Variants in CEP57 observed in about 807,000 individuals in gnomAD.
The protein encoded by CEP57 is centrosomal protein 57.
A neutral mutation model predicts 68.0 loss-of-function variants in CEP57; 40 were observed. The ratio of observed to expected loss-of-function variants is 0.59; its 90% CI spans 0.46 to 0.77. The LOEUF (loss-of-function observed/expected upper bound fraction) is 0.77, where lower values mean the gene tolerates loss of function less well. CEP57 is among the 30% of genes least tolerant of loss of function. The pLI is 0.00. For synonymous variants in CEP57, 219 were observed against 198.7 expected (o/e 1.10, Z -0.86); for missense variants, 606 against 580.7 (o/e 1.04, Z -0.45).
At chr11:95,795,808 T>A (rs1411502364) in intron 1 of CEP57, among the ~76,000 whole-genome samples, 1 of 152,200 alleles carries the variant, frequency 6.6e-6, no homozygotes, top group African/African-American at 2.4e-5. Context: ...TCCTCCACCA[T>A]TGGACCTTGA....
rs1395763725 is a variant in CEP57 at position 95,831,110 on chromosome 11, C to T, written c.1357C>T (p.Arg453Cys). 9 of 1,613,158 alleles carry T rather than the reference C, an allele frequency of 5.6e-6. No homozygotes were observed. The highest frequency in any genetic ancestry group is 1.7e-5 in the Admixed American group (1 of 59,980). Residue 453 changes from arginine (R) to cysteine (C), a missense_variant, in exon 11 of 11, where the codon CGT (arginine) becomes TGT (cysteine). Coordinates refer to ENST00000325542, the MANE Select transcript of CEP57 (RefSeq NM_014679.5). The stretch of plus-strand genomic sequence containing the variant: ...TGATGAAGAAAGAAACAGCAGCAGC[C>T]GTTCTGGAATCACAGGGACCACAAA... The part of the protein sequence containing the change: ...TLDEERNSSS[R>C]SGITGTTNKK...
chr11:95,813,143 A>G (rs1862142703), intron 3 of CEP57, 32 bp downstream of exon 3: 2 of 1,594,550 alleles, frequency 1.3e-6, no homozygotes, highest in African/African-American at 1.3e-5. Context: ...AAATTCTATC[A>G]AAATAAGTGT....
At chr11:95,811,790 C>A (rs924752876) in intron 2 of CEP57, among the ~76,000 whole-genome samples, 1 of 152,078 alleles carries the variant, frequency 6.6e-6, no homozygotes, top group East Asian at 1.9e-4. Flanking sequence ...TGGAAAATAA[C>A]TAGGAGTAGC....
chr11:95,794,970 G>A (rs954593347), intron 1 of CEP57, among the ~76,000 whole-genome samples: 8 of 152,142 alleles, frequency 5.3e-5, no homozygotes, highest in African/African-American at 1.4e-4. Context: ...ATTTCCATAT[G>A]TGTATGGGTG....
chr11:95,792,128 A>G (rs1028787342), intron 1 of CEP57, among the ~76,000 whole-genome samples: 5 of 152,174 alleles, frequency 3.3e-5, no homozygotes, highest in East Asian at 1.9e-4. Context: ...GTTTGCAGAG[A>G]GGTCTGGGGA....
chr11:95,794,474 A>T (rs574228571), intron 1 of CEP57: 53 of 369,050 alleles, frequency 1.4e-4, no homozygotes, highest in African/African-American at 1.1e-3. Context: ...CCACTTGTAA[A>T]TTTTTGCTGT....
intron 6 of CEP57, 136 bp from the exon 7 acceptor site, chr11:95,821,735 A>G: frequency 1.5e-6 from 1 of 659,378 alleles, no homozygotes; most frequent in East Asian, 2.8e-5. Flanking sequence ...GGTTCAAGAC[A>G]TAGTTATACA....
rs1307504036 is a variant in CEP57 at position 95,831,520 on chromosome 11, A to G, written c.*264A>G. On this transcript the variant is annotated 3_prime_UTR_variant, in exon 11 of 11. Transcript: ENST00000325542. ...GATGAGTTTGCTGTACTGACGCTGCACTTTGTAAACAGATTACCAGTTTTT... is the reference window on the plus strand; with the variant it reads ...GATGAGTTTGCTGTACTGACGCTGCGCTTTGTAAACAGATTACCAGTTTTT... 2 of 254,396 alleles carry G rather than the reference A, an allele frequency of 7.9e-6. No individual in the cohort carries two copies. The allele number at this position is 254,396 out of a possible 1,614,324, so 15.8% of individuals were successfully genotyped here.
chr11:95,793,104 T>A (rs1202489618), intron 1 of CEP57, among the ~76,000 whole-genome samples: 1 of 152,212 alleles, frequency 6.6e-6, no homozygotes, highest in Non-Finnish European at 1.5e-5. Context: ...ACAAGTAGAT[T>A]CATAAATAAC....
chr11:95,817,946 G>GT lies in CEP57; in HGVS notation c.621+52dup, dbSNP rs528485045. ...TTTATTGTTAACATATATCAGGGTG[G>GT]TTTTTTTTTAATGTTAATTATTTTA... On this transcript the variant is annotated intron_variant, in intron 5 of 10. Coordinates refer to ENST00000325542, the MANE Select transcript of CEP57 (RefSeq NM_014679.5). The GT allele has an allele frequency of 2.7e-3, 3,055 of 1,145,936 alleles. 2 individuals are homozygous for GT. The highest frequency in any genetic ancestry group is 5.4e-3 in the African/African-American group (350 of 64,860). 71.0% of individuals were successfully genotyped at this position (1,145,936 alleles called of 1,614,324 possible). A position where few individuals can be genotyped will look rare whatever the true frequency, so the allele number is the denominator to read the frequency against.
chr11:95,800,008 G>T lies in CEP57; in HGVS notation c.202+620G>T, dbSNP rs575645158. The stretch of plus-strand genomic sequence containing the variant: ...GCTACTTTGAAATACATTTATTCCT[G>T]GAACCTGCCATCTGTATTAGTTTTC... On this transcript the variant is annotated intron_variant, in intron 2 of 10. Coordinates refer to ENST00000325542, the MANE Select transcript of CEP57 (RefSeq NM_014679.5). 2.6e-5 allele frequency among the ~76,000 whole-genome samples: 4 copies of T among 152,120 alleles called. No homozygotes were observed. The East Asian group carries it at 7.7e-4, about 29-fold the overall frequency.
intron 2 of CEP57, among the ~76,000 whole-genome samples, chr11:95,807,703 G>C (rs150167673): frequency 1.7e-3 from 253 of 152,314 alleles, no homozygotes; most frequent in African/African-American, 4.3e-3. Flanking sequence ...AAGCCTCCAA[G>C]AAATATGGGA....
chr11:95,804,339 G>T (rs974606557), intron 2 of CEP57, among the ~76,000 whole-genome samples: 3 of 152,152 alleles, frequency 2.0e-5, no homozygotes, highest in South Asian at 2.1e-4. Context: ...GAAATAAAAT[G>T]AGTTTCAAGC....
intron 2 of CEP57, among the ~76,000 whole-genome samples, chr11:95,809,269 AC>A (rs1489581173): frequency 1.3e-5 from 2 of 152,204 alleles, no homozygotes; most frequent in Non-Finnish European, 2.9e-5. Context: ...TAAAATTGAC[AC>A]CCTAACATCA....
intron 1 of CEP57, chr11:95,795,534 G>A: frequency 1.9e-6 from 1 of 527,340 alleles, no homozygotes; most frequent in South Asian, 2.8e-5. Context: ...CTAGGGAAAT[G>A]AAGTACAATG....
chr11:95,830,677 T>C (rs1700603063), intron 10 of CEP57, among the ~76,000 whole-genome samples: 1 of 152,112 alleles, frequency 6.6e-6, no homozygotes. Context: ...TCTGATTTTT[T>C]GCCTCCTTCA....
intron 6 of CEP57, among the ~76,000 whole-genome samples, chr11:95,820,482 T>A (rs532789804): frequency 6.6e-6 from 1 of 150,966 alleles, no homozygotes; most frequent in Admixed American, 6.7e-5. Flanking sequence ...TCCTAGCTAC[T>A]TGGGAGGGTG....
At chr11:95,830,671 A>G (rs1862962420) in intron 10 of CEP57, among the ~76,000 whole-genome samples, 1 of 151,346 alleles carries the variant, frequency 6.6e-6, no homozygotes. Context: ...TCTGTGTCTG[A>G]TTTTTTGCCT....
intron 1 of CEP57, chr11:95,795,505 T>TTG: frequency 2.1e-6 from 1 of 483,286 alleles, no homozygotes; most frequent in Non-Finnish European, 3.7e-6. Context: ...TATTCTTTTT[T>TTG]TTTTTCTTAG....
Sources: gnomAD v4.1 joint callset for allele counts (sites outside exome capture counted in the v4.1 genomes callset) on GRCh38, gnomAD v4.1.1 for gene constraint, MANE v1.5 for transcripts, NCBI Gene and HGNC (gene_info 2026-07-23, HGNC 2026-07-21) for gene names.